LRRC7: variants seen among roughly 807,000 people sequenced by gnomAD.
LRRC7 encodes the protein leucine rich repeat containing 7.
LRRC7 carries 23 observed loss-of-function variants against 175.7 expected under a neutral mutation model. That is an observed-to-expected ratio of 0.13 (90% CI 0.09 to 0.19). The LOEUF (loss-of-function observed/expected upper bound fraction) is 0.19, where lower values mean the gene tolerates loss of function less well. Among genes scored for constraint, LRRC7 ranks in the 10% least tolerant of loss-of-function variants. The probability of loss-of-function intolerance (pLI) is 1.00; values close to 1 mark genes in which losing one functional copy is unlikely to be tolerated. For synonymous variants in LRRC7, 685 were observed against 680.9 expected (o/e 1.01, Z -0.09); for missense variants, 1,354 against 1,904.7 (o/e 0.71, Z 5.38).
intron 1 of LRRC7, among the ~76,000 whole-genome samples, chr1:69,637,779 C>T (rs542119513): frequency 6.6e-6 from 1 of 151,944 alleles, no homozygotes; most frequent in African/African-American, 2.4e-5. Context: ...AATATGTCAA[C>T]TGTTGATTTT....
intron 1 of LRRC7, among the ~76,000 whole-genome samples, chr1:69,675,822 A>G (rs1659688867): frequency 6.6e-6 from 1 of 152,070 alleles, no homozygotes. Context: ...TGTTGAAGCA[A>G]TTTATGTCTT....
At chr1:69,853,273 T>TCTTTTTTC (rs375586413) in intron 7 of LRRC7, among the ~76,000 whole-genome samples, 1 of 126,432 alleles carries the variant, frequency 7.9e-6, no homozygotes, top group African/African-American at 3.0e-5. Context: ...TTTCTTTCTT[T>TCTTTTTTC]TTTTTTTTTT....
At chr1:69,751,977 G>C (rs1230928531) in intron 2 of LRRC7, among the ~76,000 whole-genome samples, 1 of 152,068 alleles carries the variant, frequency 6.6e-6, no homozygotes, top group Non-Finnish European at 1.5e-5. Context: ...TCCCTGTATT[G>C]ATAGCAAATC....
intron 1 of LRRC7, among the ~76,000 whole-genome samples, chr1:69,620,245 T>G (rs1296569405): frequency 1.5e-5 from 2 of 133,978 alleles, no homozygotes; most frequent in Non-Finnish European, 3.1e-5. Flanking sequence ...TTTAATGACT[T>G]TAAATGGATT....
chr1:70,072,521 A>G (rs1173936050), intron 23 of LRRC7, among the ~76,000 whole-genome samples: 1 of 152,120 alleles, frequency 6.6e-6, no homozygotes, highest in Non-Finnish European at 1.5e-5. Flanking sequence ...TTTGCTTTCT[A>G]CAGCTGTCAT....
intron 22 of LRRC7, among the ~76,000 whole-genome samples, chr1:70,050,203 A>G (rs1660648176): frequency 6.6e-6 from 1 of 152,092 alleles, no homozygotes; most frequent in Admixed American, 6.6e-5. Flanking sequence ...ATACATATGC[A>G]TGCACGTTTA....
intron 7 of LRRC7, among the ~76,000 whole-genome samples, chr1:69,902,562 C>G (rs530442270): frequency 7.4e-6 from 1 of 135,088 alleles, no homozygotes; most frequent in African/African-American, 2.8e-5. Context: ...GAGCCAGACC[C>G]TGTTTCAAAA....
intron 1 of LRRC7, among the ~76,000 whole-genome samples, chr1:69,632,828 C>G: frequency 6.6e-6 from 1 of 151,982 alleles, no homozygotes; most frequent in East Asian, 1.9e-4. Context: ...TACCATTTTG[C>G]TAAGTAGTTT....
intron 13 of LRRC7, 90 bp downstream of exon 13, chr1:70,013,179 G>T: frequency 1.4e-6 from 1 of 691,160 alleles, no homozygotes; most frequent in Non-Finnish European, 2.4e-6. Flanking sequence ...AACATTTTCT[G>T]CGTTTCGACA....
intron 1 of LRRC7, among the ~76,000 whole-genome samples, chr1:69,648,288 T>C (rs1416603319): frequency 6.6e-6 from 1 of 152,108 alleles, no homozygotes; most frequent in African/African-American, 2.4e-5. Flanking sequence ...AAAATAATAC[T>C]CGAGGTGTTA....
At chr1:69,814,967 T>A (rs914982411) in intron 4 of LRRC7, among the ~76,000 whole-genome samples, 2 of 152,214 alleles carry the variant, frequency 1.3e-5, no homozygotes, top group African/African-American at 2.4e-5. Flanking sequence ...AGGTTTTTTT[T>A]ATCAGTCCAA....
intron 2 of LRRC7, among the ~76,000 whole-genome samples, chr1:69,706,096 A>G (rs746834887): frequency 3.3e-5 from 5 of 152,132 alleles, no homozygotes; most frequent in Non-Finnish European, 7.4e-5. Context: ...GTCTGGCTCT[A>G]TATTCAAGTT....
intron 7 of LRRC7, among the ~76,000 whole-genome samples, chr1:69,877,535 T>G (rs1686152766): frequency 6.6e-6 from 1 of 152,128 alleles, no homozygotes; most frequent in African/African-American, 2.4e-5. Context: ...ATGAACTCAT[T>G]TTAAGTGTAC....
intron 1 of LRRC7, among the ~76,000 whole-genome samples, chr1:69,676,987 G>C (rs1318956753): frequency 6.6e-6 from 1 of 151,598 alleles, no homozygotes; most frequent in African/African-American, 2.4e-5. Flanking sequence ...GTGTGCTTTT[G>C]CATACTCATA....
At position 70,135,111 on chromosome 1, in the gene LRRC7, C is replaced by G. The variant is rs562633831; in HGVS notation, c.*13224C>G. The stretch of plus-strand genomic sequence containing the variant: ...TGTATTCCAGTTGCGCTTTTTATTT[C>G]TTTTTTCCTTTCTTTTCTTTTGCAC... On this transcript the variant is annotated 3_prime_UTR_variant, in exon 27 of 27. Coordinates refer to ENST00000651989, the MANE Select transcript of LRRC7 (RefSeq NM_001370785.2). Among the ~76,000 whole-genome samples, 1 of 152,084 alleles carries G rather than the reference C, an allele frequency of 6.6e-6. No individual in the cohort carries two copies. The highest frequency in any genetic ancestry group is 2.1e-4 in the South Asian group (1 of 4,810).
intron 3 of LRRC7, among the ~76,000 whole-genome samples, chr1:69,761,086 T>C (rs1670989891): frequency 6.6e-6 from 1 of 151,884 alleles, no homozygotes; most frequent in Non-Finnish European, 1.5e-5. Context: ...GACTGGATGA[T>C]AAGAGATTAG....
intron 2 of LRRC7, among the ~76,000 whole-genome samples, chr1:69,687,520 C>CAAAAAAAAAAAAAAA (rs551726376): frequency 9.9e-4 from 96 of 96,642 alleles, no homozygotes; most frequent in African/African-American, 1.1e-3. Context: ...AAGAAAAAAC[C>CAAAAAAAAAAAAAAA]AAAAAAAAAA....
At chr1:69,647,121 A>G (rs897472795) in intron 1 of LRRC7, among the ~76,000 whole-genome samples, 2 of 152,178 alleles carry the variant, frequency 1.3e-5, no homozygotes, top group Non-Finnish European at 2.9e-5. Flanking sequence ...GCCAAAAAAT[A>G]TATAACACAT....
At chr1:69,596,826 G>A (rs1646864405) in intron 1 of LRRC7, among the ~76,000 whole-genome samples, 1 of 152,216 alleles carries the variant, frequency 6.6e-6, no homozygotes. Flanking sequence ...TCATTGTGCA[G>A]TGTGTGGTTA....
Sources: gnomAD v4.1 joint callset for allele counts (sites outside exome capture counted in the v4.1 genomes callset) on GRCh38, gnomAD v4.1.1 for gene constraint, MANE v1.5 for transcripts, NCBI Gene and HGNC (gene_info 2026-07-23, HGNC 2026-07-21) for gene names.